The following PTTG1 variants were observed in gnomAD, a reference collection of about 807,000 sequenced individuals.
PTTG1 encodes the protein securin.
In PTTG1, 8 loss-of-function variants were observed where a neutral mutation model predicts 20.0. That is an observed-to-expected ratio of 0.40 (90% CI 0.23 to 0.72). The LOEUF is 0.72. PTTG1 is among the 30% of genes least tolerant of loss of function. The pLI is 0.38. For synonymous variants in PTTG1, 79 were observed against 87.2 expected (o/e 0.91, Z 0.52); for missense variants, 197 against 236.0 (o/e 0.83, Z 1.08).
intron 1 of PTTG1, 146 bp from the exon 2 acceptor site, chr5:160,422,156 G>A (rs1765723503): frequency 4.8e-6 from 3 of 623,182 alleles, no homozygotes; most frequent in African/African-American, 1.8e-5. Context: ...GCTGGATTAA[G>A]TACTTGTTGG....
rs1765744227 is a variant in PTTG1, at chr5:160,422,950, A to T, written c.276+57A>T. On this transcript the variant is annotated intron_variant, in intron 3 of 5. Coordinates refer to ENST00000352433, the MANE Select transcript of PTTG1 (RefSeq NM_004219.4). ...CACTTAAGCACTTTTGACTCTTAAA[A>T]TGACTATTGGCATCATCCTACGTAG... is the stretch of plus-strand genomic sequence containing the variant. The T allele has an allele frequency of 3.9e-6, 6 of 1,553,178 alleles. No individual in the cohort carries two copies. The South Asian group carries it at 6.8e-5, about 18-fold the overall frequency.
chr5:160,425,958 T>A (rs1765800778), intron 4 of PTTG1, among the ~76,000 whole-genome samples: 1 of 152,230 alleles, frequency 6.6e-6, no homozygotes, highest in Non-Finnish European at 1.5e-5. Flanking sequence ...TGTTAAATCC[T>A]ACTTTTGTTA....
chr5:160,422,043 G>T, intron 1 of PTTG1, 152 bp downstream of exon 1: 1 of 316,680 alleles, frequency 3.2e-6, no homozygotes, highest in South Asian at 4.0e-5. Flanking sequence ...GCGTGGTCTC[G>T]GACTGCTAAC....
intron 4 of PTTG1, among the ~76,000 whole-genome samples, chr5:160,425,491 G>A (rs1765788124): frequency 6.6e-6 from 1 of 152,118 alleles, no homozygotes; most frequent in South Asian, 2.1e-4. Flanking sequence ...CGTCTACAGT[G>A]GATGAAGATG....
At chr5:160,425,975 A>T (rs4921282) in intron 4 of PTTG1, among the ~76,000 whole-genome samples, 13,920 of 152,304 alleles carry the variant, frequency 0.091, 680 homozygotes, top group Middle Eastern at 0.12. Flanking sequence ...GTTACTGTAC[A>T]GAAAAATCAC....
At chr5:160,427,683 G>T (rs1383887751) in intron 4 of PTTG1, 32 bp from the exon 5 acceptor site, 1 of 1,606,880 alleles carries the variant, frequency 6.2e-7, no homozygotes, top group East Asian at 2.2e-5. Flanking sequence ...AAGAACTGCT[G>T]CCCTGACAAA....
Position 160,423,150 on chromosome 5 carries a change from A to G in PTTG1, c.276+257A>G, listed in dbSNP as rs58187015. The G allele has an allele frequency of 1.9e-3, 912 of 477,896 alleles. 6 individuals are homozygous for G. The highest frequency in any genetic ancestry group is 0.017 in the African/African-American group (847 of 51,152). 29.6% of individuals were successfully genotyped at this position (477,896 alleles called of 1,614,324 possible). ...TCACCTGTCCTTCACTAGTGTCGTG[A>G]AACTGGTTGGTGGTGTCTACTTACA... is the stretch of plus-strand genomic sequence containing the variant. On this transcript the variant is annotated intron_variant, in intron 3 of 5. Coordinates refer to ENST00000352433, the MANE Select transcript of PTTG1 (RefSeq NM_004219.4).
intron 3 of PTTG1, 24 bp downstream of exon 3, chr5:160,422,917 T>A: frequency 6.2e-7 from 1 of 1,610,584 alleles, no homozygotes; most frequent in African/African-American, 1.3e-5. Context: ...ATAAAGACAC[T>A]GTTTAAACAC....
chr5:160,428,574 A>G, intron 5 of PTTG1, 28 bp from the exon 6 acceptor site: 2 of 1,599,420 alleles, frequency 1.3e-6, no homozygotes, highest in African/African-American at 2.7e-5. Context: ...ATTTGCAGAA[A>G]TTTTAATAAG....
chr5:160,423,013 C>A, intron 3 of PTTG1, 120 bp downstream of exon 3: 1 of 1,042,832 alleles, frequency 9.6e-7, no homozygotes, highest in Non-Finnish European at 1.4e-6. Flanking sequence ...TAGAGGTTAG[C>A]AAGCAGAGTA....
chr5:160,421,976 AG>A, intron 1 of PTTG1, 85 bp downstream of exon 1: 1 of 206,054 alleles, frequency 4.9e-6, no homozygotes. Context: ...CTGGGGCTGA[AG>A]CTGGGGCTGG....
In PTTG1 at chr5:160,427,887, T is replaced by TGGAGCAAGTGA. The variant is rs764721500; in HGVS notation, c.529+15_529+16insGAGCAAGTGAG. ...CATGGGAATCCAGTAAGTGAGCAAG[T>TGGAGCAAGTGA]GCCCTTCTGGAAGGGCTGCAAACAA... On this transcript the variant is annotated intron_variant, in intron 5 of 5. Coordinates refer to ENST00000352433, the MANE Select transcript of PTTG1 (RefSeq NM_004219.4). The TGGAGCAAGTGA allele has an allele frequency of 2.5e-6, 4 of 1,614,150 alleles. No individual in the cohort carries two copies. The South Asian group carries it at 3.3e-5, about 13-fold the overall frequency.
At position 160,422,907 on chromosome 5, in the gene PTTG1, A is replaced by T. The variant is rs1765743228; in HGVS notation, c.276+14A>T. The T allele has an allele frequency of 6.2e-7, 1 of 1,612,982 alleles. No individual in the cohort carries two copies. Among genetic ancestry groups the T allele is most frequent in the Non-Finnish European group, 8.5e-7 (1 of 1,179,144 alleles). On this transcript the variant is annotated intron_variant, in intron 3 of 5. Transcript: ENST00000352433. ...TCTGCCAAAAAGGTAAGTGTTGGCTATAAAGACACTGTTTAAACACTTAAG... is the reference window on the plus strand; with the variant it reads ...TCTGCCAAAAAGGTAAGTGTTGGCTTTAAAGACACTGTTTAAACACTTAAG...
rs75029982 is a variant in PTTG1 at position 160,423,355 on chromosome 5, T to C, written c.276+462T>C. On this transcript the variant is annotated intron_variant, in intron 3 of 5. Coordinates refer to ENST00000352433, the MANE Select transcript of PTTG1 (RefSeq NM_004219.4). ...CTTGTTAGGTGACAATTTGCTAGCA[T>C]GTTGATCTTCGTGTGAGTGTGAGTC... Among the ~76,000 whole-genome samples the C allele has an allele frequency of 4.8e-3, 732 of 152,336 alleles. 3 individuals are homozygous for C. Among genetic ancestry groups the C allele is most frequent in the Non-Finnish European group, 8.9e-3 (603 of 68,028 alleles).
chr5:160,424,436 G>A (rs1765773222), intron 4 of PTTG1, 106 bp downstream of exon 4: 3 of 782,490 alleles, frequency 3.8e-6, no homozygotes, highest in African/African-American at 3.6e-5. Context: ...AAACTATGAT[G>A]AGACTGTCTG....
chr5:160,421,939 G>C (rs1446337802), intron 1 of PTTG1, 48 bp downstream of exon 1: 1 of 193,768 alleles, frequency 5.2e-6, no homozygotes, highest in African/African-American at 2.4e-5. Flanking sequence ...CGGCTCCGGC[G>C]GGGAAGGAGG....
intron 3 of PTTG1, 54 bp downstream of exon 3, chr5:160,422,947 A>G (rs1468212238): frequency 1.3e-6 from 2 of 1,558,008 alleles, no homozygotes; most frequent in African/African-American, 2.7e-5. Context: ...TTTGACTCTT[A>G]AAATGACTAT....
chr5:160,428,588 T>G lies in PTTG1; in HGVS notation c.530-14T>G. The G allele has an allele frequency of 1.2e-6, 2 of 1,610,776 alleles. No homozygotes were observed. Among genetic ancestry groups the G allele is most frequent in the Non-Finnish European group, 1.7e-6 (2 of 1,177,122 alleles). On this transcript the variant is annotated splice_polypyrimidine_tract_variant and intron_variant, in intron 5 of 5. Coordinates refer to ENST00000352433, the MANE Select transcript of PTTG1 (RefSeq NM_004219.4). ...GATTTGCAGAAATTTTAATAAGAGA[T>G]TCCTGTTTTCTAGATCTGTTGCAGT...
At chr5:160,422,964 C>G in intron 3 of PTTG1, 71 bp downstream of exon 3, 1 of 1,492,404 alleles carries the variant, frequency 6.7e-7, no homozygotes, top group Non-Finnish European at 9.3e-7. Flanking sequence ...CTATTGGCAT[C>G]ATCCTACGTA....
Sources: gnomAD v4.1 joint callset for allele counts (sites outside exome capture counted in the v4.1 genomes callset) on GRCh38, gnomAD v4.1.1 for gene constraint, MANE v1.5 for transcripts, NCBI Gene and HGNC (gene_info 2026-07-23, HGNC 2026-07-21) for gene names.